Variants in CRY1 observed in about 807,000 individuals in gnomAD.
CRY1 encodes the protein cryptochrome-1.
A neutral mutation model predicts 76.0 loss-of-function variants in CRY1; 45 were observed. The ratio of observed to expected loss-of-function variants is 0.59; its 90% CI spans 0.47 to 0.76. The LOEUF is 0.76. Among genes scored for constraint, CRY1 ranks in the 30% least tolerant of loss-of-function variants. The pLI, the probability that CRY1 is intolerant of heterozygous loss-of-function variation, is 0.00. For synonymous variants in CRY1, 248 were observed against 244.0 expected, an observed-to-expected ratio of 1.02 and a Z score of -0.15; for missense variants, 587 against 716.4, an observed-to-expected ratio of 0.82 and a Z score of 2.06.
chr12:107,003,150 G>C lies in CRY1; in HGVS notation c.411-1202C>G, dbSNP rs190332892. The stretch of plus-strand genomic sequence containing the variant: ...GAAGGCATGAGAGATGTCAGCATAT[G>C]TATCTATGTCACATACTTAGAACAC... On this transcript the variant is annotated intron_variant, in intron 3 of 12. Transcript: ENST00000008527. 3.3e-5 allele frequency among the ~76,000 whole-genome samples: 5 copies of C among 152,246 alleles called. No homozygotes were observed. In the East Asian group the frequency reaches 7.7e-4, roughly 23 times the overall value.
intron 1 of CRY1, among the ~76,000 whole-genome samples, chr12:107,066,349 A>T (rs1953110821): frequency 6.6e-6 from 1 of 152,204 alleles, no homozygotes; most frequent in Non-Finnish European, 1.5e-5. Context: ...TCCCATCTTC[A>T]TTTCTCTATA....
rs749909611 is a variant in CRY1, at chr12:106,992,833, T to C, written c.1715A>G (p.Asp572Gly). 5 of 1,614,084 alleles carry C rather than the reference T, an allele frequency of 3.1e-6. No individual in the cohort carries two copies. In the East Asian group the frequency reaches 8.9e-5, roughly 29 times the overall value. The change falls in exon 12 of 13, where the codon GAC becomes GGC. Residue 572 changes from aspartate to glycine, a missense_variant. Coordinates refer to ENST00000008527, the MANE Select transcript of CRY1 (RefSeq NM_004075.5). ...GACTTTAGGACCAATACTCTGTGTG[T>C]CCTCTTCCTGACTAGGACGTTTCCC... is the stretch of plus-strand genomic sequence containing the variant. ...SGGKRPSQEE[D>G]TQSIGPKVQR...
intron 1 of CRY1, among the ~76,000 whole-genome samples, chr12:107,066,555 AAGTGAT>A (rs931892560): frequency 2.6e-5 from 4 of 151,816 alleles, no homozygotes; most frequent in African/African-American, 9.7e-5. Context: ...TCCCAGGTCC[AAGTGAT>A]CCCCCTGCCT....
In CRY1 at chr12:107,006,690, TGCAGTG is replaced by T. The variant is rs1257550441; in HGVS notation, c.268-1448_268-1443del. 2.3e-3 allele frequency among the ~76,000 whole-genome samples: 37 copies of T among 16,098 alleles called. 1 individual carries two copies. The highest frequency in any genetic ancestry group is 0.018 in the African/African-American group (35 of 1,896). 10.6% of individuals were successfully genotyped at this position (16,098 alleles called of 152,430 possible). A position where few individuals can be genotyped will look rare whatever the true frequency, so the allele number is the denominator to read the frequency against. ...TCTCACTTTGTCACCCAGGCTGAAG[TGCAGTG>T]GCTGAAGTGCAGTGGCATGATCTTG... On this transcript the variant is annotated intron_variant, in intron 2 of 12. Transcript: ENST00000008527.
chr12:107,018,459 T>C (rs1268888299), intron 2 of CRY1, among the ~76,000 whole-genome samples: 2 of 152,150 alleles, frequency 1.3e-5, no homozygotes, highest in South Asian at 4.1e-4. Context: ...TGGTGGTGCA[T>C]GCCTATAATC....
At chr12:107,035,780 T>A (rs1952726565) in intron 1 of CRY1, among the ~76,000 whole-genome samples, 2 of 152,072 alleles carry the variant, frequency 1.3e-5, no homozygotes, top group African/African-American at 4.8e-5. Context: ...CATAGAAGGA[T>A]TTATTCATAT....
chr12:107,012,738 A>G (rs1207585380), intron 2 of CRY1, among the ~76,000 whole-genome samples: 1 of 152,242 alleles, frequency 6.6e-6, no homozygotes, highest in African/African-American at 2.4e-5. Flanking sequence ...GATGCCAATA[A>G]GAACACTTGT....
intron 2 of CRY1, among the ~76,000 whole-genome samples, chr12:107,016,605 C>T (rs746848398): frequency 7.2e-5 from 11 of 152,114 alleles, no homozygotes; most frequent in Non-Finnish European, 1.5e-4. Context: ...TCATCCTTTC[C>T]TTCTGTTTCA....
At chr12:107,021,380 C>T (rs1566250393) in intron 2 of CRY1, among the ~76,000 whole-genome samples, 1 of 152,172 alleles carries the variant, frequency 6.6e-6, no homozygotes, top group Non-Finnish European at 1.5e-5. Flanking sequence ...AGAATTATCC[C>T]ACAAATGTAC....
rs944203188 is a variant in CRY1, at chr12:107,005,264, G to A, written c.268-16C>T. On this transcript the variant is annotated splice_polypyrimidine_tract_variant and intron_variant, in intron 2 of 12. Coordinates refer to ENST00000008527, the MANE Select transcript of CRY1 (RefSeq NM_004075.5). ...TGTTCCATTCCTAAAGTAAGAGAAA[G>A]GGGAACAATGTACACCAATTGTAAT... 3 of 1,601,248 alleles carry A rather than the reference G, an allele frequency of 1.9e-6. No individual in the cohort carries two copies. The highest frequency in any genetic ancestry group is 1.3e-5 in the African/African-American group (1 of 74,456).
intron 2 of CRY1, among the ~76,000 whole-genome samples, chr12:107,009,576 A>ATGTTT (rs1952419078): frequency 2.4e-5 from 2 of 83,258 alleles, no homozygotes; most frequent in African/African-American, 1.4e-4. Context: ...ATATATATAT[A>ATGTTT]TATATATATA....
At chr12:106,999,885 T>C in intron 6 of CRY1, 23 bp from the exon 7 acceptor site, 1 of 1,592,024 alleles carries the variant, frequency 6.3e-7, no homozygotes. Flanking sequence ...AGCAAAGAAG[T>C]ATTATCAGAA....
chr12:107,019,730 C>T (rs865826059), intron 2 of CRY1, among the ~76,000 whole-genome samples: 1 of 152,004 alleles, frequency 6.6e-6, no homozygotes, highest in Non-Finnish European at 1.5e-5. Flanking sequence ...AAGATTGAGA[C>T]TAGCCTGAGC....
intron 10 of CRY1, among the ~76,000 whole-genome samples, chr12:106,994,657 C>G (rs535131011): frequency 6.6e-6 from 1 of 152,334 alleles, no homozygotes; most frequent in Admixed American, 6.5e-5. Context: ...TAACCTGCTA[C>G]TATGATTAGC....
At chr12:107,028,372 GAAGAT>G (rs1389531051) in intron 1 of CRY1, among the ~76,000 whole-genome samples, 3 of 152,008 alleles carry the variant, frequency 2.0e-5, no homozygotes, top group Admixed American at 6.6e-5. Context: ...CACTTTCCCT[GAAGAT>G]AAGAGTTTAA....
chr12:107,002,603 C>G (rs1202807314), intron 3 of CRY1, among the ~76,000 whole-genome samples: 1 of 152,130 alleles, frequency 6.6e-6, no homozygotes, highest in African/African-American at 2.4e-5. Flanking sequence ...AATCCTTACT[C>G]TGTACACTAG....
intron 1 of CRY1, among the ~76,000 whole-genome samples, chr12:107,077,772 C>A (rs1953274711): frequency 6.6e-6 from 1 of 151,814 alleles, no homozygotes; most frequent in African/African-American, 2.4e-5. Context: ...TAATTTCTTA[C>A]CTCTCTCATA....
At chr12:107,068,323 C>T (rs948552755) in intron 1 of CRY1, among the ~76,000 whole-genome samples, 19 of 151,990 alleles carry the variant, frequency 1.3e-4, no homozygotes, top group African/African-American at 3.6e-4. Flanking sequence ...TTTGAGACAG[C>T]GTCTCACTCT....
intron 2 of CRY1, among the ~76,000 whole-genome samples, chr12:107,007,666 A>ACTCGGGCTAG (rs1952390360): frequency 6.6e-6 from 1 of 151,936 alleles, no homozygotes; most frequent in Non-Finnish European, 1.5e-5. Context: ...AGTAGCTAGG[A>ACTCGGGCTAG]CTACAGGCAT....
Sources: gnomAD v4.1 joint callset for allele counts (sites outside exome capture counted in the v4.1 genomes callset) on GRCh38, gnomAD v4.1.1 for gene constraint, MANE v1.5 for transcripts, NCBI Gene and HGNC (gene_info 2026-07-23, HGNC 2026-07-21) for gene names.